Variants in NKAIN2 observed in about 807,000 individuals in gnomAD.
NKAIN2 encodes the protein sodium/potassium-transporting ATPase subunit beta-1-interacting protein 2.
In NKAIN2, 14 loss-of-function variants were observed where a neutral mutation model predicts 32.6. That is an observed-to-expected ratio of 0.43 (90% confidence interval 0.28 to 0.67). NKAIN2 has a LOEUF of 0.67. Ranked by LOEUF, NKAIN2 falls within the 30% of genes least tolerant of loss-of-function variation. The pLI, the probability that NKAIN2 is intolerant of heterozygous loss-of-function variation, is 0.17. For missense variants in NKAIN2, 198 were observed against 258.3 expected (o/e 0.77, Z 1.60); for synonymous variants, 80 against 87.2 (o/e 0.92, Z 0.46).
At chr6:124,014,250 T>C (rs567448438) in intron 1 of NKAIN2, among the ~76,000 whole-genome samples, 8 of 152,190 alleles carry the variant, frequency 5.3e-5, no homozygotes, top group Admixed American at 2.0e-4. Context: ...TCCATGGATA[T>C]ACTACCACCT....
intron 1 of NKAIN2, among the ~76,000 whole-genome samples, chr6:123,857,469 T>G (rs2114970802): frequency 6.6e-6 from 1 of 152,288 alleles, no homozygotes; most frequent in Non-Finnish European, 1.5e-5. Flanking sequence ...CTATGTTTTT[T>G]TACAGTTATA....
chr6:124,470,666 G>A (rs562433899), intron 3 of NKAIN2, among the ~76,000 whole-genome samples: 2 of 152,098 alleles, frequency 1.3e-5, no homozygotes, highest in East Asian at 3.9e-4. Flanking sequence ...AGGGAGATTT[G>A]GGGAATCCCA....
intron 1 of NKAIN2, among the ~76,000 whole-genome samples, chr6:123,852,108 C>A (rs1775372438): frequency 6.6e-6 from 1 of 152,148 alleles, no homozygotes; most frequent in African/African-American, 2.4e-5. Context: ...GTTTTTACCT[C>A]ATTTTGAATT....
At chr6:124,664,248 C>T (rs1290379714) in intron 4 of NKAIN2, among the ~76,000 whole-genome samples, 1 of 150,748 alleles carries the variant, frequency 6.6e-6, no homozygotes, top group African/African-American at 2.4e-5. Flanking sequence ...TCACTCCAGC[C>T]TGGGCGAGAC....
chr6:124,815,476 G>A (rs1341358325), intron 5 of NKAIN2, among the ~76,000 whole-genome samples: 1 of 151,852 alleles, frequency 6.6e-6, no homozygotes, highest in South Asian at 2.1e-4. Context: ...CACCATGTTG[G>A]CCAGGCTGGT....
chr6:123,955,984 C>T (rs1015073399), intron 1 of NKAIN2, among the ~76,000 whole-genome samples: 10 of 151,998 alleles, frequency 6.6e-5, no homozygotes, highest in African/African-American at 1.9e-4. Flanking sequence ...TATGTAATTA[C>T]GTGTAAAATG....
rs571814710 is a variant in NKAIN2 at position 124,810,934 on chromosome 6, A to T, written c.536-7453A>T. 1.3e-3 allele frequency among the ~76,000 whole-genome samples: 188 copies of T among 149,990 alleles called. 2 individuals are homozygous for T. Among genetic ancestry groups the T allele is most frequent in the Non-Finnish European group, 2.1e-3 (140 of 67,616 alleles). ...CTTATCAGGAAAAAAAAAAAAAAAA[A>T]GCTCAGAGTCCCTCCAGGGATTTTA... On this transcript the variant is annotated intron_variant, in intron 5 of 6. Coordinates refer to ENST00000368417, the MANE Select transcript of NKAIN2 (RefSeq NM_001040214.3).
chr6:124,105,851 A>G (rs567011208), intron 1 of NKAIN2, among the ~76,000 whole-genome samples: 59 of 152,338 alleles, frequency 3.9e-4, no homozygotes, highest in African/African-American at 1.4e-3. Flanking sequence ...GCTATTACAT[A>G]TAAGTAACAA....
intron 3 of NKAIN2, among the ~76,000 whole-genome samples, chr6:124,507,546 C>G (rs1257231616): frequency 6.6e-6 from 1 of 152,120 alleles, no homozygotes; most frequent in Non-Finnish European, 1.5e-5. Flanking sequence ...AAACATTTCT[C>G]TCTATCACAA....
intron 3 of NKAIN2, among the ~76,000 whole-genome samples, chr6:124,384,868 C>T (rs765093344): frequency 6.6e-6 from 1 of 152,128 alleles, no homozygotes; most frequent in Non-Finnish European, 1.5e-5. Flanking sequence ...AATGATCCAC[C>T]CGCTTCAGCC....
chr6:124,167,765 T>C (rs1788634622), intron 1 of NKAIN2, among the ~76,000 whole-genome samples: 1 of 152,252 alleles, frequency 6.6e-6, no homozygotes, highest in Non-Finnish European at 1.5e-5. Flanking sequence ...TTTCTGCATC[T>C]ATTGAGATAA....
Position 123,849,270 on chromosome 6 carries a change from A to G in NKAIN2, c.54+45016A>G, listed in dbSNP as rs117775194. On this transcript the variant is annotated intron_variant, in intron 1 of 6. Transcript: ENST00000368417. The stretch of plus-strand genomic sequence containing the variant: ...CTAATAACAGCTGTCTTCTTTCAGA[A>G]GCTGACCTTGAGGTAATTCATGTAA... Among the ~76,000 whole-genome samples, 165 of 152,346 alleles carry G rather than the reference A, an allele frequency of 1.1e-3. 2 individuals carry two copies. The East Asian group carries it at 0.023, about 21-fold the overall frequency.
chr6:123,948,011 T>C lies in NKAIN2; in HGVS notation c.54+143757T>C, dbSNP rs183985343. 1.1e-3 allele frequency among the ~76,000 whole-genome samples: 172 copies of C among 152,182 alleles called. 4 individuals are homozygous for C. Among genetic ancestry groups the C allele is most frequent in the Admixed American group, 0.01 (156 of 15,270 alleles). On this transcript the variant is annotated intron_variant, in intron 1 of 6. Transcript: ENST00000368417. Reference sequence around the variant, plus strand: ...GATTCCATATATGAGTGAGAACATATGGTATTTGTCTTTCTATGCCTGGCT... The same window carrying C: ...GATTCCATATATGAGTGAGAACATACGGTATTTGTCTTTCTATGCCTGGCT...
chr6:124,087,704 C>A (rs1784246827), intron 1 of NKAIN2, among the ~76,000 whole-genome samples: 1 of 151,884 alleles, frequency 6.6e-6, no homozygotes, highest in African/African-American at 2.4e-5. Context: ...GGAGAAAATT[C>A]AATTGCGTAT....
At chr6:124,120,471 A>T (rs73566066) in intron 1 of NKAIN2, among the ~76,000 whole-genome samples, 4,489 of 152,220 alleles carry the variant, frequency 0.029, 230 homozygotes, top group African/African-American at 0.1. Flanking sequence ...AGGTTATTTT[A>T]TTTAATCTGC....
intron 1 of NKAIN2, among the ~76,000 whole-genome samples, chr6:124,158,472 G>T (rs142198117): frequency 5.3e-5 from 8 of 152,266 alleles, no homozygotes; most frequent in South Asian, 2.1e-4. Context: ...ATGACAGTAT[G>T]CCAGAAAATT....
chr6:124,092,894 A>C (rs373607145), intron 1 of NKAIN2, among the ~76,000 whole-genome samples: 5 of 152,204 alleles, frequency 3.3e-5, no homozygotes, highest in South Asian at 4.1e-4. Flanking sequence ...TATTGTCTTC[A>C]GCACTTTGGC....
At chr6:124,302,398 T>C (rs1796325392) in intron 2 of NKAIN2, among the ~76,000 whole-genome samples, 1 of 152,254 alleles carries the variant, frequency 6.6e-6, no homozygotes, top group African/African-American at 2.4e-5. Flanking sequence ...TTTTCCTCCA[T>C]GACACAGACT....
At chr6:124,571,828 G>C (rs895828610) in intron 3 of NKAIN2, among the ~76,000 whole-genome samples, 1 of 152,018 alleles carries the variant, frequency 6.6e-6, no homozygotes, top group East Asian at 1.9e-4. Flanking sequence ...TAAACATTCA[G>C]GTGTATTTTT....
Sources: allele counts gnomAD v4.1 joint callset (sites outside exome capture counted in the v4.1 genomes callset), GRCh38; gene constraint gnomAD v4.1.1; transcripts MANE v1.5; gene names NCBI Gene and HGNC (gene_info 2026-07-23, HGNC 2026-07-21).